Variants in RANBP17 observed in about 807,000 individuals in gnomAD.
RANBP17 encodes ran-binding protein 17.
Under a neutral mutation model 141.2 loss-of-function variants are expected in RANBP17, and 158 were observed. The ratio of observed to expected loss-of-function variants is 1.12; its 90% CI spans 0.98 to 1.28. The LOEUF is 1.28. Ranked by LOEUF, RANBP17 falls within the 50% of genes most tolerant of loss-of-function variation. The pLI is 0.00. For missense variants in RANBP17, 1,438 were observed against 1,290.7 expected (o/e 1.11, Z -1.75); for synonymous variants, 430 against 450.0 (o/e 0.96, Z 0.56).
At chr5:170,998,598 T>C (rs899402987) in intron 14 of RANBP17, among the ~76,000 whole-genome samples, 14 of 152,200 alleles carry the variant, frequency 9.2e-5, no homozygotes, top group African/African-American at 3.4e-4. Flanking sequence ...AATAGTCTTG[T>C]TGAAGTTTGT....
intron 13 of RANBP17, among the ~76,000 whole-genome samples, chr5:170,957,024 C>T (rs370598658): frequency 7.2e-4 from 109 of 150,412 alleles, no homozygotes; most frequent in African/African-American, 2.5e-3. Flanking sequence ...GAGCCGAGAT[C>T]GTGCCACTGC....
chr5:171,270,741 A>T (rs1479486576), intron 25 of RANBP17, among the ~76,000 whole-genome samples: 1 of 152,214 alleles, frequency 6.6e-6, no homozygotes, highest in East Asian at 1.9e-4. Flanking sequence ...GTAATTCCTT[A>T]TAAGATTATT....
At chr5:171,229,329 A>T (rs183333114) in intron 22 of RANBP17, among the ~76,000 whole-genome samples, 57 of 152,332 alleles carry the variant, frequency 3.7e-4, no homozygotes, top group African/African-American at 1.3e-3. Flanking sequence ...ATAGCTGAAC[A>T]CATGCTTAGA....
intron 24 of RANBP17, among the ~76,000 whole-genome samples, chr5:171,260,161 G>C (rs973550323): frequency 2.0e-5 from 3 of 151,466 alleles, no homozygotes; most frequent in African/African-American, 7.3e-5. Context: ...TTAGCCGGGC[G>C]TGGTGGCAGG....
chr5:171,168,692 A>C (rs369763099), intron 14 of RANBP17, among the ~76,000 whole-genome samples: 3 of 152,140 alleles, frequency 2.0e-5, no homozygotes, highest in Non-Finnish European at 4.4e-5. Context: ...TACAAGCAAC[A>C]ATGGTCACTT....
intron 14 of RANBP17, among the ~76,000 whole-genome samples, chr5:171,168,569 T>C (rs531172151): frequency 1.0e-3 from 156 of 152,280 alleles, no homozygotes; most frequent in African/African-American, 3.6e-3. Context: ...CTACATATCA[T>C]TCTTCATTAG....
intron 3 of RANBP17, among the ~76,000 whole-genome samples, chr5:170,886,846 A>G (rs1224010411): frequency 5.3e-5 from 8 of 151,442 alleles, no homozygotes; most frequent in African/African-American, 1.2e-4. Context: ...TTTTTTTTCT[A>G]GAGATGGGGT....
At chr5:171,270,314 TGTAA>T (rs757089436) in intron 25 of RANBP17, among the ~76,000 whole-genome samples, 2 of 152,228 alleles carry the variant, frequency 1.3e-5, no homozygotes, top group Admixed American at 6.5e-5. Flanking sequence ...GAAGATCCAT[TGTAA>T]GTAAGTGAAT....
rs536851818 is a variant in RANBP17 at position 170,895,996 on chromosome 5, T to G, written c.424-54T>G. The G allele has an allele frequency of 3.7e-5, 41 of 1,095,242 alleles. 1 individual carries two copies. The African/African-American group carries it at 5.7e-4, about 15-fold the overall frequency. The allele number at this position is 1,095,242 out of a possible 1,614,324, so 67.8% of individuals were successfully genotyped here. A position where few individuals can be genotyped will look rare whatever the true frequency, so the allele number is the denominator to read the frequency against. On this transcript the variant is annotated intron_variant, in intron 4 of 27. Coordinates refer to ENST00000523189, the MANE Select transcript of RANBP17 (RefSeq NM_022897.5). ...TGTAAATGTTACCTGGTATATACATTAAGAACCAATCACTTGTCTCCACTT... is the reference window on the plus strand; with the variant it reads ...TGTAAATGTTACCTGGTATATACATGAAGAACCAATCACTTGTCTCCACTT...
chr5:171,149,861 T>A (rs1758345656), intron 14 of RANBP17, among the ~76,000 whole-genome samples: 1 of 152,250 alleles, frequency 6.6e-6, no homozygotes, highest in African/African-American at 2.4e-5. Flanking sequence ...GAAATCCTAT[T>A]TTAAAATAAC....
intron 24 of RANBP17, among the ~76,000 whole-genome samples, chr5:171,248,432 C>T (rs1765360249): frequency 6.6e-6 from 1 of 151,892 alleles, no homozygotes; most frequent in African/African-American, 2.4e-5. Flanking sequence ...AAGCAAGCAG[C>T]CAGCTCGGCC....
intron 23 of RANBP17, among the ~76,000 whole-genome samples, chr5:171,242,370 C>T (rs1232617376): frequency 6.6e-6 from 1 of 152,128 alleles, no homozygotes; most frequent in Admixed American, 6.5e-5. Flanking sequence ...GGTTTCCTAG[C>T]GACTGTTAAG....
At position 170,916,487 on chromosome 5, in the gene RANBP17, T is replaced by G; in HGVS notation, c.857T>G (p.Phe286Cys). 6.4e-7 allele frequency: 1 copy of G among 1,571,510 alleles called. No homozygotes were observed. Among genetic ancestry groups the G allele is most frequent in the East Asian group, 2.3e-5 (1 of 43,862 alleles). Residue 286 changes from phenylalanine to cysteine, a missense_variant, in exon 9 of 28, where the codon TTT becomes TGT. Coordinates refer to ENST00000523189, the MANE Select transcript of RANBP17 (RefSeq NM_022897.5). Reference sequence around the variant, plus strand: ...TAGGCACTTTCATGTTTAGTTCAGTTTGCTTCGACAAGAAGGTCCTTATTT... The same window carrying G: ...TAGGCACTTTCATGTTTAGTTCAGTGTGCTTCGACAAGAAGGTCCTTATTT... ...SQLALSCLVQ[F>C]ASTRRSLFNS...
At chr5:171,178,356 C>T (rs1760649423) in intron 16 of RANBP17, among the ~76,000 whole-genome samples, 1 of 151,948 alleles carries the variant, frequency 6.6e-6, no homozygotes, top group Non-Finnish European at 1.5e-5. Context: ...TGAACTCATC[C>T]TTTTTTATGG....
At chr5:170,995,614 A>G (rs551948719) in intron 14 of RANBP17, among the ~76,000 whole-genome samples, 1 of 152,292 alleles carries the variant, frequency 6.6e-6, no homozygotes, top group South Asian at 2.1e-4. Context: ...AATAGGTTGT[A>G]CAGCCATATG....
At chr5:171,264,594 T>C (rs1354948146) in intron 24 of RANBP17, among the ~76,000 whole-genome samples, 1 of 152,198 alleles carries the variant, frequency 6.6e-6, no homozygotes, top group Non-Finnish European at 1.5e-5. Flanking sequence ...TTAAAAATAA[T>C]AACATGTAAA....
At chr5:170,954,325 G>A (rs572257991) in intron 13 of RANBP17, among the ~76,000 whole-genome samples, 3 of 152,134 alleles carry the variant, frequency 2.0e-5, no homozygotes, top group African/African-American at 7.2e-5. Flanking sequence ...TGTAAAGTCC[G>A]TTTGAGTCTT....
chr5:170,865,371 A>C (rs770549252), intron 1 of RANBP17, among the ~76,000 whole-genome samples: 4 of 152,088 alleles, frequency 2.6e-5, no homozygotes, highest in Non-Finnish European at 5.9e-5. Flanking sequence ...CCCTGTTTGC[A>C]GTTTTAACAG....
At chr5:171,170,538 A>C (rs1328547843) in intron 15 of RANBP17, among the ~76,000 whole-genome samples, 2 of 152,140 alleles carry the variant, frequency 1.3e-5, no homozygotes, top group East Asian at 3.9e-4. Flanking sequence ...TTGAAAGACC[A>C]CGTGAAGAGA....
Sources: allele counts gnomAD v4.1 joint callset (sites outside exome capture counted in the v4.1 genomes callset), GRCh38; gene constraint gnomAD v4.1.1; transcripts MANE v1.5; gene names NCBI Gene and HGNC (gene_info 2026-07-23, HGNC 2026-07-21).